The following ANKRD29 variants were observed in gnomAD, a reference collection of about 807,000 sequenced individuals.
ANKRD29 encodes ankyrin repeat domain 29, also known as ankyrin repeat domain-containing protein 29.
A neutral mutation model predicts 38.0 loss-of-function variants in ANKRD29; 32 were observed. The ratio of observed to expected loss-of-function variants is 0.84; its 90% confidence interval spans 0.64 to 1.13. The LOEUF is 1.13. ANKRD29 is among the 50% of genes most tolerant of loss of function. The pLI is 0.00. For synonymous variants in ANKRD29, 135 were observed against 152.4 expected (o/e 0.89, Z 0.84); for missense variants, 357 against 377.9 (o/e 0.94, Z 0.46).
intron 5 of ANKRD29, among the ~76,000 whole-genome samples, chr18:23,630,778 A>G (rs996940721): frequency 1.3e-5 from 2 of 151,214 alleles, no homozygotes; most frequent in African/African-American, 4.8e-5. Context: ...TTTATTTTTA[A>G]TATATTTTTA....
At chr18:23,627,919 G>A (rs1057316823) in intron 6 of ANKRD29, among the ~76,000 whole-genome samples, 29 of 152,130 alleles carry the variant, frequency 1.9e-4, no homozygotes, top group Admixed American at 1.3e-4. Flanking sequence ...CTAGCAGGAC[G>A]AAAGTAAAAG....
chr18:23,636,740 AT>A (rs1186584571), intron 4 of ANKRD29, among the ~76,000 whole-genome samples: 2 of 148,118 alleles, frequency 1.4e-5, no homozygotes, highest in Non-Finnish European at 3.0e-5. Flanking sequence ...TGCCTGGCTA[AT>A]TTTTGTATTT....
intron 4 of ANKRD29, among the ~76,000 whole-genome samples, chr18:23,636,367 T>C (rs915793399): frequency 1.3e-5 from 2 of 152,184 alleles, no homozygotes; most frequent in East Asian, 3.8e-4. Context: ...CTAGAACTCC[T>C]GGGCTCAAGC....
chr18:23,633,532 T>A (rs1349837373), intron 5 of ANKRD29, among the ~76,000 whole-genome samples: 3 of 152,168 alleles, frequency 2.0e-5, no homozygotes, highest in African/African-American at 7.2e-5. Flanking sequence ...ACAACAGATT[T>A]AAAAGGGAGA....
chr18:23,604,509 T>C (rs2145628521), intron 9 of ANKRD29, among the ~76,000 whole-genome samples: 1 of 152,300 alleles, frequency 6.6e-6, no homozygotes, highest in East Asian at 1.9e-4. Flanking sequence ...GGGGCAGTTT[T>C]GCCTGCTCAC....
chr18:23,608,964 TGCCCCTGTAATCCCAGCTACTC>T (rs1184621071), intron 9 of ANKRD29, among the ~76,000 whole-genome samples: 1 of 152,096 alleles, frequency 6.6e-6, no homozygotes, highest in Non-Finnish European at 1.5e-5. Context: ...TAGCCTGGCA[TGCCCCTGTAATCCCAGCTACTC>T]GGAAGGCTGA....
At position 23,658,389 on chromosome 18, in the gene ANKRD29, G is replaced by A. The variant is rs190037187; in HGVS notation, c.21+4321C>T. Among the ~76,000 whole-genome samples, 4 of 152,314 alleles carry A rather than the reference G, an allele frequency of 2.6e-5. No homozygotes were observed. In the East Asian group the frequency reaches 5.8e-4, roughly 22 times the overall value. On this transcript the variant is annotated intron_variant, in intron 1 of 9. Coordinates refer to ENST00000592179, the MANE Select transcript of ANKRD29 (RefSeq NM_173505.4). ...TGCCAGCCTGGGCAGGCGACAGAGT[G>A]AGACCCTGTCTCAAAACAAAAGCAA... is the stretch of plus-strand genomic sequence containing the variant.
intron 9 of ANKRD29, among the ~76,000 whole-genome samples, chr18:23,605,908 C>T (rs2059569757): frequency 6.6e-6 from 1 of 151,704 alleles, no homozygotes; most frequent in African/African-American, 2.4e-5. Context: ...TCATCAGAGA[C>T]ATTCTTAAGT....
rs2059494057 is a variant in ANKRD29 at position 23,600,051 on chromosome 18, A to G, written c.*1175T>C. On this transcript the variant is annotated 3_prime_UTR_variant, in exon 10 of 10. Transcript: ENST00000592179. ...AATACCATTGCGTTTATTTTGGTAG[A>G]TTACAGAAAGAAGGTTTTATTTTTG... is the stretch of plus-strand genomic sequence containing the variant. 6.6e-6 allele frequency: 1 copy of G among 152,340 alleles called. No individual in the cohort carries two copies. Among genetic ancestry groups the G allele is most frequent in the Admixed American group, 6.5e-5 (1 of 15,270 alleles). The allele number at this position is 152,340 out of a possible 1,614,324, so 9.4% of individuals were successfully genotyped here. A position where few individuals can be genotyped will look rare whatever the true frequency, so the allele number is the denominator to read the frequency against.
At chr18:23,620,093 A>G (rs1324698452) in intron 6 of ANKRD29, among the ~76,000 whole-genome samples, 1 of 152,084 alleles carries the variant, frequency 6.6e-6, no homozygotes, top group Non-Finnish European at 1.5e-5. Flanking sequence ...AGTGGGTCAC[A>G]CCTTAATGTT....
intron 5 of ANKRD29, among the ~76,000 whole-genome samples, chr18:23,631,718 G>T (rs1347602277): frequency 6.6e-6 from 1 of 152,280 alleles, no homozygotes; most frequent in East Asian, 1.9e-4. Flanking sequence ...ATAAAGCCCA[G>T]AGCAAGTGCC....
chr18:23,652,852 C>T (rs1357294726), intron 1 of ANKRD29, among the ~76,000 whole-genome samples: 3 of 152,214 alleles, frequency 2.0e-5, no homozygotes, highest in Non-Finnish European at 4.4e-5. Context: ...GTGTGCTAAA[C>T]AATTTACTGC....
At chr18:23,650,147 G>T (rs2060192457) in intron 1 of ANKRD29, among the ~76,000 whole-genome samples, 1 of 151,340 alleles carries the variant, frequency 6.6e-6, no homozygotes. Context: ...TCCACTGTTG[G>T]ATCGTTTTGT....
chr18:23,649,027 T>C (rs1317514839), intron 2 of ANKRD29, 56 bp downstream of exon 2: 1 of 1,383,906 alleles, frequency 7.2e-7, no homozygotes. Flanking sequence ...GAGGTGCTCC[T>C]GTGCCCACAG....
At position 23,638,835 on chromosome 18, in the gene ANKRD29, G is replaced by T. The variant is rs1334051877; in HGVS notation, c.330+14C>A. ...ATTCTTCAACATAATACAAAATCAA[G>T]AAGGTTATCTCACTTTGGTCCTAAA... On this transcript the variant is annotated intron_variant, in intron 4 of 9. Coordinates refer to ENST00000592179, the MANE Select transcript of ANKRD29 (RefSeq NM_173505.4). 1 of 1,593,542 alleles carries T rather than the reference G, an allele frequency of 6.3e-7. No individual in the cohort carries two copies. The highest frequency in any genetic ancestry group is 8.6e-7 in the Non-Finnish European group (1 of 1,169,472).
At chr18:23,661,819 C>T (rs1197140487) in intron 1 of ANKRD29, among the ~76,000 whole-genome samples, 1 of 152,202 alleles carries the variant, frequency 6.6e-6, no homozygotes, top group Admixed American at 6.5e-5. Flanking sequence ...CTTCCAGCTC[C>T]AACCCTCTTC....
intron 1 of ANKRD29, among the ~76,000 whole-genome samples, chr18:23,660,696 A>C (rs1313829431): frequency 6.6e-6 from 1 of 152,190 alleles, no homozygotes; most frequent in East Asian, 1.9e-4. Context: ...AATCCCAGCT[A>C]CTCAGGAGGC....
intron 6 of ANKRD29, among the ~76,000 whole-genome samples, chr18:23,621,764 T>A (rs1330817014): frequency 6.6e-6 from 1 of 152,132 alleles, no homozygotes; most frequent in Non-Finnish European, 1.5e-5. Flanking sequence ...AGCCTCAACA[T>A]CCTGGGCTCA....
Position 23,601,019 on chromosome 18 carries a change from C to T in ANKRD29, c.*207G>A. ...TGAGTTACAGGACACCATGAGAAGT[C>T]CATGGTGAAGGGGCAAGAGGGTCCC... On this transcript the variant is annotated 3_prime_UTR_variant, in exon 10 of 10. Coordinates refer to ENST00000592179, the MANE Select transcript of ANKRD29 (RefSeq NM_173505.4). The T allele has an allele frequency of 2.1e-6, 1 of 483,706 alleles. No homozygotes were observed. Among genetic ancestry groups the T allele is most frequent in the South Asian group, 2.8e-5 (1 of 35,928 alleles). The allele number at this position is 483,706 out of a possible 1,614,324, so 30.0% of individuals were successfully genotyped here. A position where few individuals can be genotyped will look rare whatever the true frequency, so the allele number is the denominator to read the frequency against.
Sources: gnomAD v4.1 joint callset for allele counts (sites outside exome capture counted in the v4.1 genomes callset) on GRCh38, gnomAD v4.1.1 for gene constraint, MANE v1.5 for transcripts, NCBI Gene and HGNC (gene_info 2026-07-23, HGNC 2026-07-21) for gene names.